The following FRMD5 variants were observed in gnomAD, a reference collection of about 807,000 sequenced individuals.
The protein encoded by FRMD5 is FERM domain-containing protein 5.
Under a neutral mutation model 69.0 loss-of-function variants are expected in FRMD5, and 20 were observed. The ratio of observed to expected loss-of-function variants is 0.29; its 90% CI spans 0.20 to 0.42. The LOEUF (loss-of-function observed/expected upper bound fraction) is 0.42, where lower values mean the gene tolerates loss of function less well. FRMD5 is among the 10% of genes least tolerant of loss of function. The pLI is 1.00. For missense variants in FRMD5, 595 were observed against 708.6 expected (o/e 0.84, Z 1.82); for synonymous variants, 271 against 260.1 (o/e 1.04, Z -0.40).
intron 1 of FRMD5, among the ~76,000 whole-genome samples, chr15:44,113,302 T>G (rs1483722795): frequency 6.6e-6 from 1 of 152,254 alleles, no homozygotes; most frequent in Non-Finnish European, 1.5e-5. Context: ...ACTGCCTGAT[T>G]CTACTGCTTA....
intron 1 of FRMD5, among the ~76,000 whole-genome samples, chr15:44,087,105 G>T (rs1020272944): frequency 2.0e-5 from 3 of 152,028 alleles, no homozygotes; most frequent in African/African-American, 7.3e-5. Flanking sequence ...TGCAACTTTC[G>T]TCTCCCAGGT....
At chr15:43,912,066 A>T (rs1012245596) in intron 4 of FRMD5, among the ~76,000 whole-genome samples, 2 of 152,198 alleles carry the variant, frequency 1.3e-5, no homozygotes, top group Non-Finnish European at 2.9e-5. Context: ...GATAAAGAAT[A>T]TAGGCCCATC....
chr15:43,922,115 C>T (rs980742047), intron 2 of FRMD5, among the ~76,000 whole-genome samples: 10 of 152,200 alleles, frequency 6.6e-5, no homozygotes, highest in African/African-American at 2.4e-4. Context: ...TCTCCTTAAC[C>T]CCTCCCGCAA....
At chr15:44,048,066 CATCTT>C (rs1307360965) in intron 1 of FRMD5, among the ~76,000 whole-genome samples, 12 of 152,108 alleles carry the variant, frequency 7.9e-5, no homozygotes, top group Admixed American at 7.9e-4. Flanking sequence ...TCTCGGTTGT[CATCTT>C]AGGAGTGGTA....
intron 1 of FRMD5, among the ~76,000 whole-genome samples, chr15:43,946,122 C>T (rs1307375611): frequency 6.6e-6 from 1 of 152,150 alleles, no homozygotes; most frequent in African/African-American, 2.4e-5. Flanking sequence ...CTCCTCTTGG[C>T]TTCCCTCTTC....
chr15:43,873,808 G>T lies in FRMD5; in HGVS notation c.*77C>A. 2 of 1,573,500 alleles carry T rather than the reference G, an allele frequency of 1.3e-6. No individual in the cohort carries two copies. Among genetic ancestry groups the T allele is most frequent in the South Asian group, 1.2e-5 (1 of 86,696 alleles). On this transcript the variant is annotated 3_prime_UTR_variant, in exon 14 of 14. Coordinates refer to ENST00000417257, the MANE Select transcript of FRMD5 (RefSeq NM_032892.5). ...TTGGTATATGTGCCGATGGTTCCGC[G>T]ATGGGTCCCATTGCTGGGAATGGGT...
Position 44,195,065 on chromosome 15 carries a change from G to T in FRMD5, c.-11C>A. 9.1e-7 allele frequency: 1 copy of T among 1,104,746 alleles called. No individual in the cohort carries two copies. Among genetic ancestry groups the T allele is most frequent in the South Asian group, 1.4e-5 (1 of 70,778 alleles). 68.4% of individuals were successfully genotyped at this position (1,104,746 alleles called of 1,614,324 possible). On this transcript the variant is annotated 5_prime_UTR_variant, in exon 1 of 14. Coordinates refer to ENST00000417257, the MANE Select transcript of FRMD5 (RefSeq NM_032892.5). ...CAACCTGCTCAGCATCTTCCCGCCC[G>T]CCCGCCCGGGAGCGACGCGGCGGCG... is the stretch of plus-strand genomic sequence containing the variant.
In FRMD5 at chr15:43,875,812, T is replaced by TG. The variant is rs201864727; in HGVS notation, c.1136-1351_1136-1350insC. 4.0e-3 allele frequency: 1,484 copies of TG among 370,048 alleles called. 54 individuals carry two copies. The highest frequency in any genetic ancestry group is 0.03 in the African/African-American group (1,339 of 45,236). 22.9% of individuals were successfully genotyped at this position (370,048 alleles called of 1,614,324 possible). A position where few individuals can be genotyped will look rare whatever the true frequency, so the allele number is the denominator to read the frequency against. On this transcript the variant is annotated intron_variant, in intron 13 of 13. Coordinates refer to ENST00000417257, the MANE Select transcript of FRMD5 (RefSeq NM_032892.5). The stretch of plus-strand genomic sequence containing the variant: ...TTGGTGTCCTGGGCCTAGTTTTTTT[T>TG]TTTTTTTTTTTTTTTCTTTCAGTCT...
At chr15:43,981,684 T>C (rs2090550772) in intron 1 of FRMD5, among the ~76,000 whole-genome samples, 2 of 152,252 alleles carry the variant, frequency 1.3e-5, no homozygotes, top group South Asian at 4.1e-4. Flanking sequence ...GTCAAAAGCA[T>C]TCTTGAATAA....
upstream of FRMD5, among the ~76,000 whole-genome samples, chr15:44,196,024 A>C (rs891692664): frequency 2.6e-5 from 4 of 152,170 alleles, no homozygotes; most frequent in African/African-American, 7.2e-5. Context: ...CAATAGAACA[A>C]CATAGTATGT....
chr15:44,141,936 C>A (rs1315949294), intron 1 of FRMD5, among the ~76,000 whole-genome samples: 1 of 152,086 alleles, frequency 6.6e-6, no homozygotes, highest in East Asian at 1.9e-4. Context: ...TTGTCTTCTC[C>A]AAGTGTAAGG....
Position 44,190,598 on chromosome 15 carries a change from T to C in FRMD5, c.102+4355A>G, listed in dbSNP as rs574504995. ...ATTCAACAAAGGATAATTGCAGAAA[T>C]TGACTTCATAAATACCTCAAAGACC... On this transcript the variant is annotated intron_variant, in intron 1 of 13. Coordinates refer to ENST00000417257, the MANE Select transcript of FRMD5 (RefSeq NM_032892.5). Among the ~76,000 whole-genome samples, 6 of 152,270 alleles carry C rather than the reference T, an allele frequency of 3.9e-5. No individual in the cohort carries two copies. The South Asian group carries it at 8.3e-4, about 21-fold the overall frequency.
rs537007479 is a variant in FRMD5 at position 44,120,110 on chromosome 15, A to C, written c.102+74843T>G. On this transcript the variant is annotated intron_variant, in intron 1 of 13. Transcript: ENST00000417257. ...CAATTCTGAACAGGTACAGAGGAGA[A>C]AGTTCATAGGGGGACCTACAAACCA... 6.4e-4 allele frequency among the ~76,000 whole-genome samples: 97 copies of C among 152,296 alleles called. 1 individual carries two copies. The highest frequency in any genetic ancestry group is 1.1e-3 in the Non-Finnish European group (77 of 68,016).
chr15:43,878,728 G>A (rs1284710217), intron 13 of FRMD5, among the ~76,000 whole-genome samples: 1 of 152,102 alleles, frequency 6.6e-6, no homozygotes, highest in African/African-American at 2.4e-5. Flanking sequence ...AGACAGCTCT[G>A]ACTGCAGGAT....
At chr15:44,085,455 C>T (rs775486862) in intron 1 of FRMD5, among the ~76,000 whole-genome samples, 4 of 152,032 alleles carry the variant, frequency 2.6e-5, no homozygotes, top group Non-Finnish European at 5.9e-5. Context: ...GATAAGGCAA[C>T]GACTCATAGG....
rs1202445513 is a variant in FRMD5, at chr15:43,906,777, A to AT, written c.428-827dup. ...CCACCTCGCCCGGCTGATTTTTTGT[A>AT]TTTTTAGTAGAGACGGGGTTTCACC... On this transcript the variant is annotated intron_variant, in intron 5 of 13. Coordinates refer to ENST00000417257, the MANE Select transcript of FRMD5 (RefSeq NM_032892.5). Among the ~76,000 whole-genome samples the AT allele has an allele frequency of 2.9e-5, 4 of 137,390 alleles. 1 individual carries two copies. Among genetic ancestry groups the AT allele is most frequent in the African/African-American group, 7.0e-5 (2 of 28,370 alleles). The allele number at this position is 137,390 out of a possible 152,430, so 90.1% of individuals were successfully genotyped here. A position where few individuals can be genotyped will look rare whatever the true frequency, so the allele number is the denominator to read the frequency against.
chr15:44,140,880 C>CAAA (rs1203954176), intron 1 of FRMD5, among the ~76,000 whole-genome samples: 15 of 31,882 alleles, frequency 4.7e-4, no homozygotes, highest in Middle Eastern at 0.025. Flanking sequence ...GAGACTGTCT[C>CAAA]AAAAAAAAAA....
chr15:43,908,355 AG>A (rs2089221061), intron 5 of FRMD5, among the ~76,000 whole-genome samples: 5 of 150,214 alleles, frequency 3.3e-5, no homozygotes, highest in African/African-American at 1.2e-4. Context: ...AAAAATTCAA[AG>A]GGGCATCTTT....
intron 5 of FRMD5, among the ~76,000 whole-genome samples, chr15:43,906,478 A>T (rs1257994856): frequency 1.3e-5 from 2 of 152,224 alleles, no homozygotes; most frequent in African/African-American, 2.4e-5. Flanking sequence ...AATCAAATTA[A>T]TAAATTTGAA....
Sources: allele counts gnomAD v4.1 joint callset (sites outside exome capture counted in the v4.1 genomes callset), GRCh38; gene constraint gnomAD v4.1.1; transcripts MANE v1.5; gene names NCBI Gene and HGNC (gene_info 2026-07-23, HGNC 2026-07-21).